Variants in IL1RAPL1 observed in about 807,000 individuals in gnomAD.
The protein encoded by IL1RAPL1 is interleukin 1 receptor accessory protein like 1.
Under a neutral mutation model 48.4 loss-of-function variants are expected in IL1RAPL1, and 3 were observed. The ratio of observed to expected loss-of-function variants is 0.06; its 90% confidence interval spans 0.03 to 0.16. The LOEUF (loss-of-function observed/expected upper bound fraction) is 0.16, where lower values mean the gene tolerates loss of function less well. IL1RAPL1 is among the 10% of genes least tolerant of loss of function. The pLI is 1.00. For missense variants in IL1RAPL1, 349 were observed against 530.6 expected (o/e 0.66, Z 3.36); for synonymous variants, 185 against 187.7 (o/e 0.99, Z 0.12).
In IL1RAPL1 at chrX:29,160,581, T is replaced by C. The variant is rs192856533; in HGVS notation, c.83-122357T>C. On this transcript the variant is annotated intron_variant, in intron 2 of 10. Coordinates refer to ENST00000378993, the MANE Select transcript of IL1RAPL1 (RefSeq NM_014271.4). ...TAGGATGCCAAATTTCCATTATATA[T>C]CTTCAAATTTATATGTTCATTGGTT... is the stretch of plus-strand genomic sequence containing the variant. Among the ~76,000 whole-genome samples, 9 of 112,310 alleles carry C rather than the reference T, an allele frequency of 8.0e-5. No individual in the cohort carries two copies. In the East Asian group the frequency reaches 2.5e-3, roughly 31 times the overall value.
intron 5 of IL1RAPL1, among the ~76,000 whole-genome samples, chrX:29,633,089 A>C (rs1235423673): frequency 9.0e-6 from 1 of 111,610 alleles, no homozygotes; most frequent in East Asian, 2.8e-4. Flanking sequence ...GTAATAGGCC[A>C]AAATTTTTAA....
intron 6 of IL1RAPL1, among the ~76,000 whole-genome samples, chrX:29,857,218 C>T (rs748744780): frequency 3.4e-4 from 38 of 111,237 alleles, no homozygotes; most frequent in African/African-American, 1.1e-3. Context: ...AAAACTTCCA[C>T]AGAAGTTTAA....
intron 6 of IL1RAPL1, among the ~76,000 whole-genome samples, chrX:29,774,683 C>T (rs141878023): frequency 0.033 from 3,643 of 111,274 alleles, 113 homozygotes; most frequent in African/African-American, 0.11. Flanking sequence ...ATCGAAATAG[C>T]GTAGTTAAAC....
intron 5 of IL1RAPL1, among the ~76,000 whole-genome samples, chrX:29,463,449 A>G (rs1484716800): frequency 1.8e-5 from 2 of 112,325 alleles, no homozygotes; most frequent in Non-Finnish European, 3.8e-5. Flanking sequence ...GGCATGGCCT[A>G]TTGTATAGAT....
intron 1 of IL1RAPL1, among the ~76,000 whole-genome samples, chrX:28,730,588 C>G (rs1935742672): frequency 9.0e-6 from 1 of 111,400 alleles, no homozygotes; most frequent in Non-Finnish European, 1.9e-5. Context: ...TAATGATTTA[C>G]ACTTGTTGAA....
intron 1 of IL1RAPL1, among the ~76,000 whole-genome samples, chrX:28,647,260 A>G (rs1004442573): frequency 8.9e-5 from 10 of 112,024 alleles, no homozygotes; most frequent in African/African-American, 2.9e-4. Flanking sequence ...CAAGTATACA[A>G]TCTTCCAGAA....
intron 5 of IL1RAPL1, among the ~76,000 whole-genome samples, chrX:29,531,767 T>C (rs1401379172): frequency 3.6e-5 from 4 of 112,186 alleles, no homozygotes; most frequent in Non-Finnish European, 7.5e-5. Context: ...TAACTTCTGG[T>C]GGTTGCCAGC....
At chrX:28,812,274 A>G (rs775951162) in intron 2 of IL1RAPL1, among the ~76,000 whole-genome samples, 1 of 111,106 alleles carries the variant, frequency 9.0e-6, no homozygotes, top group East Asian at 2.8e-4. Context: ...AAATCAGAAA[A>G]CAAATAATTT....
intron 2 of IL1RAPL1, among the ~76,000 whole-genome samples, chrX:29,218,392 A>G (rs755479347): frequency 1.8e-4 from 20 of 111,574 alleles, no homozygotes; most frequent in Non-Finnish European, 3.6e-4. Context: ...CCTAGGTAAG[A>G]CATATCCAAA....
At chrX:28,809,829 C>A (rs1396760198) in intron 2 of IL1RAPL1, among the ~76,000 whole-genome samples, 1 of 108,020 alleles carries the variant, frequency 9.3e-6, no homozygotes, top group Non-Finnish European at 1.9e-5. Context: ...CTATTTAAAT[C>A]ATCCTAGCAA....
At chrX:29,734,444 ACAC>A in intron 6 of IL1RAPL1, among the ~76,000 whole-genome samples, 1 of 112,094 alleles carries the variant, frequency 8.9e-6, no homozygotes, top group East Asian at 2.8e-4. Flanking sequence ...TCATGACCAG[ACAC>A]CAGGACAGGA....
intron 5 of IL1RAPL1, among the ~76,000 whole-genome samples, chrX:29,503,935 G>C (rs1456795615): frequency 1.9e-5 from 2 of 105,386 alleles, no homozygotes; most frequent in East Asian, 6.1e-4. Context: ...ATAAGCAGGA[G>C]CCACCAAGCC....
intron 5 of IL1RAPL1, among the ~76,000 whole-genome samples, chrX:29,406,340 A>T (rs182986080): frequency 9.1e-6 from 1 of 109,993 alleles, no homozygotes; most frequent in Admixed American, 9.7e-5. Flanking sequence ...AGTGAGCCGA[A>T]ATCGCGACAC....
intron 3 of IL1RAPL1, among the ~76,000 whole-genome samples, chrX:29,378,008 A>C (rs1933645355): frequency 9.5e-6 from 1 of 105,631 alleles, no homozygotes; most frequent in Non-Finnish European, 1.9e-5. Context: ...TTGGTCATAG[A>C]TTTGGCCACT....
chrX:29,867,898 T>A (rs146704057), intron 6 of IL1RAPL1, among the ~76,000 whole-genome samples: 164 of 112,139 alleles, frequency 1.5e-3, no homozygotes, highest in African/African-American at 5.1e-3. Context: ...ACGTGGAGAT[T>A]TTATAATTTA....
chrX:29,242,751 A>G (rs1931444324), intron 2 of IL1RAPL1, among the ~76,000 whole-genome samples: 1 of 111,853 alleles, frequency 8.9e-6, no homozygotes, highest in Non-Finnish European at 1.9e-5. Flanking sequence ...GGCACCTTGC[A>G]TATATTATCT....
At chrX:29,527,338 T>TTTTTTTTTTG (rs1935563703) in intron 5 of IL1RAPL1, among the ~76,000 whole-genome samples, 1 of 68,298 alleles carries the variant, frequency 1.5e-5, no homozygotes. Context: ...TTTTTTTTTT[T>TTTTTTTTTTG]TTTTTTTTTT....
chrX:29,499,709 C>G (rs1179639324), intron 5 of IL1RAPL1, among the ~76,000 whole-genome samples: 1 of 111,576 alleles, frequency 9.0e-6, no homozygotes, highest in Non-Finnish European at 1.9e-5. Flanking sequence ...TTTGCTTCCT[C>G]AAAGTAATGT....
At chrX:28,921,423 T>A (rs879151245) in intron 2 of IL1RAPL1, among the ~76,000 whole-genome samples, 3 of 112,054 alleles carry the variant, frequency 2.7e-5, no homozygotes, top group African/African-American at 9.7e-5. Flanking sequence ...TCTTGCAAAA[T>A]TAAACTCAAA....
Sources: allele counts gnomAD v4.1 joint callset (sites outside exome capture counted in the v4.1 genomes callset), GRCh38; gene constraint gnomAD v4.1.1; transcripts MANE v1.5; gene names NCBI Gene and HGNC (gene_info 2026-07-23, HGNC 2026-07-21).